Variants in NCBP2 observed in about 807,000 individuals in gnomAD.
The protein encoded by NCBP2 is nuclear cap-binding protein subunit 2.
In NCBP2, 8 loss-of-function variants were observed where a neutral mutation model predicts 21.5. The observed-to-expected ratio is 0.37, with a 90% CI of 0.22 to 0.67. NCBP2 has a LOEUF of 0.67. Among genes scored for constraint, NCBP2 ranks in the 30% least tolerant of loss-of-function variants. The probability of loss-of-function intolerance (pLI) is 0.56; values close to 1 mark genes in which losing one functional copy is unlikely to be tolerated. For synonymous variants in NCBP2, 92 were observed against 75.8 expected, an observed-to-expected ratio of 1.21 and a Z score of -1.11; for missense variants, 127 against 206.9, an observed-to-expected ratio of 0.61 and a Z score of 2.37.
chr3:196,937,295 C>G (rs1432502849), intron 3 of NCBP2: 2 of 797,126 alleles, frequency 2.5e-6, no homozygotes, highest in Admixed American at 2.7e-5. Context: ...AGCAGAAGTT[C>G]AAGAATGGTT....
rs982261865 is a variant in NCBP2 at position 196,936,919 on chromosome 3, T to C, written c.*92A>G. ...AGTAAAGACACTGATCAAATCTTGG[T>C]AAAAATGGGCTCGTGTGCAGACTTT... On this transcript the variant is annotated 3_prime_UTR_variant, in exon 4 of 4. Coordinates refer to ENST00000321256, the MANE Select transcript of NCBP2 (RefSeq NM_007362.5). 8.4e-7 allele frequency: 1 copy of C among 1,190,296 alleles called. No individual in the cohort carries two copies. Among genetic ancestry groups the C allele is most frequent in the Non-Finnish European group, 1.3e-6 (1 of 795,118 alleles). The allele number at this position is 1,190,296 out of a possible 1,614,324, so 73.7% of individuals were successfully genotyped here. A position where few individuals can be genotyped will look rare whatever the true frequency, so the allele number is the denominator to read the frequency against.
chr3:196,937,672 AT>A, intron 2 of NCBP2, 24 bp from the exon 3 acceptor site: 2 of 1,610,330 alleles, frequency 1.2e-6, no homozygotes, highest in Non-Finnish European at 1.7e-6. Context: ...GAACACTAGC[AT>A]TTTTCCAAAC....
At chr3:196,938,688 A>G (rs1357166495) in intron 2 of NCBP2, 1 of 152,410 alleles carries the variant, frequency 6.6e-6, no homozygotes, top group African/African-American at 2.4e-5. Flanking sequence ...GCTGGAACAC[A>G]GTCACAACTC....
Position 196,939,522 on chromosome 3 carries a change from T to C in NCBP2, c.79-90A>G, listed in dbSNP as rs1466429809. 4.8e-6 allele frequency: 5 copies of C among 1,046,600 alleles called. No individual in the cohort carries two copies. The African/African-American group carries it at 8.1e-5, about 17-fold the overall frequency. The allele number at this position is 1,046,600 out of a possible 1,614,324, so 64.8% of individuals were successfully genotyped here. ...GTACGGTAGAGACATTCATTAATTC[T>C]GGTTTGGAAATCAACTTCTCTCATC... On this transcript the variant is annotated intron_variant, in intron 1 of 3. Coordinates refer to ENST00000321256, the MANE Select transcript of NCBP2 (RefSeq NM_007362.5).
At chr3:196,938,160 A>C (rs545034565) in intron 2 of NCBP2, 1 of 153,852 alleles carries the variant, frequency 6.5e-6, no homozygotes, top group South Asian at 2.0e-4. Context: ...AAATAAGACA[A>C]CAGTGTTCTG....
chr3:196,937,507 T>C lies in NCBP2; in HGVS notation c.399+3A>G. On this transcript the variant is annotated splice_donor_region_variant and intron_variant, in intron 3 of 3. Transcript: ENST00000321256. ...GCTGAGCCCAGAGACCCTTCTTGCA[T>C]ACCTGGCCCCCAGATCGCCCACGGC... 2 of 1,614,020 alleles carry C rather than the reference T, an allele frequency of 1.2e-6. No individual in the cohort carries two copies. Among genetic ancestry groups the C allele is most frequent in the Non-Finnish European group, 1.7e-6 (2 of 1,180,018 alleles).
At position 196,935,738 on chromosome 3, in the gene NCBP2, T is replaced by C. The variant is rs1716229965; in HGVS notation, c.*1273A>G. On this transcript the variant is annotated 3_prime_UTR_variant, in exon 4 of 4. Transcript: ENST00000321256. ...GTACTTTGTTGCTAAGTGAAAAAAA[T>C]GCACATTTTTTCATATCAGGGAAAA... 2 of 152,152 alleles carry C rather than the reference T, an allele frequency of 1.3e-5. No individual in the cohort carries two copies. The highest frequency in any genetic ancestry group is 1.3e-4 in the Admixed American group (2 of 15,276). 9.4% of individuals were successfully genotyped at this position (152,152 alleles called of 1,614,324 possible).
At chr3:196,938,401 G>A (rs1196312079) in intron 2 of NCBP2, 2 of 151,960 alleles carry the variant, frequency 1.3e-5, no homozygotes, top group South Asian at 2.1e-4. Context: ...ATAATTCAGG[G>A]CACAGGAAAA....
chr3:196,942,224 C>G (rs1170695779), intron 1 of NCBP2: 1 of 1,461,214 alleles, frequency 6.8e-7, no homozygotes, highest in Non-Finnish European at 9.0e-7. Context: ...GCCTCCAGTT[C>G]CCCGTCTTCC....
At chr3:196,942,122 G>A (rs768757717) in intron 1 of NCBP2, 33 of 1,469,168 alleles carry the variant, frequency 2.2e-5, no homozygotes, top group Non-Finnish European at 2.9e-5. Flanking sequence ...AGGCACAACC[G>A]TGGAAACGGG....
intron 2 of NCBP2, 60 bp from the exon 3 acceptor site, chr3:196,937,708 T>C (rs771754465): frequency 4.2e-5 from 67 of 1,591,490 alleles, no homozygotes; most frequent in Non-Finnish European, 5.5e-5. Flanking sequence ...GGGAACAACA[T>C]GTAAATGAAG....
chr3:196,941,816 G>T, intron 1 of NCBP2: 1 of 1,240,034 alleles, frequency 8.1e-7, no homozygotes, highest in Non-Finnish European at 1.1e-6. Context: ...CTGAAATCCA[G>T]CAATTCTCCG....
chr3:196,942,291 G>A, intron 1 of NCBP2, 135 bp downstream of exon 1: 1 of 1,513,888 alleles, frequency 6.6e-7, no homozygotes. Context: ...TCCCTGCCTC[G>A]CCAGCAGGCA....
intron 2 of NCBP2, chr3:196,938,553 CAAAGT>C (rs1716374252): frequency 6.6e-6 from 1 of 152,196 alleles, no homozygotes; most frequent in Non-Finnish European, 1.5e-5. Flanking sequence ...ATTAAATGAT[CAAAGT>C]AAATAGTTTT....
In NCBP2 at chr3:196,939,356, G is replaced by A. The variant is rs1367552866; in HGVS notation, c.155C>T (p.Thr52Ile). The A allele has an allele frequency of 6.2e-7, 1 of 1,612,932 alleles. No individual in the cohort carries two copies. Among genetic ancestry groups the A allele is most frequent in the Admixed American group, 1.7e-5 (1 of 60,008 alleles). The change falls in exon 2 of 4, where the codon ACT (threonine) becomes ATT (isoleucine). Residue 52 changes from threonine (T) to isoleucine (I), a missense_variant. Physicochemically the swap from Thr to Ile is moderately conservative, Grantham distance 89. Transcript: ENST00000321256. ...GAAGAGTTCATAGATTTGTTCTTCA[G>A]TTGTGTAAAAAGAAAGATTTCCAAC... is the stretch of plus-strand genomic sequence containing the variant. ...LYVGNLSFYT[T>I]EEQIYELFSK...
At position 196,936,389 on chromosome 3, in the gene NCBP2, C is replaced by A. The variant is rs1716263113; in HGVS notation, c.*622G>T. On this transcript the variant is annotated 3_prime_UTR_variant, in exon 4 of 4. Coordinates refer to ENST00000321256, the MANE Select transcript of NCBP2 (RefSeq NM_007362.5). ...GAAAACAAATTCAATTGTCAAACAC[C>A]TGTTCCTAATTTTGTGCAAAGCAAT... is the stretch of plus-strand genomic sequence containing the variant. 2 of 152,718 alleles carry A rather than the reference C, an allele frequency of 1.3e-5. No homozygotes were observed. Among genetic ancestry groups the A allele is most frequent in the South Asian group, 2.1e-4 (1 of 4,862 alleles). The allele number at this position is 152,718 out of a possible 1,614,324, so 9.5% of individuals were successfully genotyped here.
In NCBP2 at chr3:196,937,422, CAA is replaced by C. The variant is rs1716315106; in HGVS notation, c.399+86_399+87del. ...AAGGTTATAGACACAAAGTTATTTA[CAA>C]AAGAGTAAATACAAATTGCCAAAAC... On this transcript the variant is annotated intron_variant, in intron 3 of 3. Transcript: ENST00000321256. The C allele has an allele frequency of 2.6e-6, 4 of 1,563,510 alleles. No individual in the cohort carries two copies. In the African/African-American group the frequency reaches 5.5e-5, roughly 21 times the overall value.
intron 1 of NCBP2, 108 bp downstream of exon 1, chr3:196,942,318 C>T: frequency 6.5e-7 from 1 of 1,534,482 alleles, no homozygotes; most frequent in Admixed American, 2.0e-5. Context: ...CCCCACTTGG[C>T]GTTTGCGGAT....
At chr3:196,938,828 TG>T (rs1215993675) in intron 2 of NCBP2, 1 of 153,904 alleles carries the variant, frequency 6.5e-6, no homozygotes, top group East Asian at 1.9e-4. Context: ...TATGCTGAAA[TG>T]GAACAATAAA....
Sources: allele counts gnomAD v4.1 joint callset, GRCh38; gene constraint gnomAD v4.1.1; transcripts MANE v1.5; gene names NCBI Gene and HGNC (gene_info 2026-07-23, HGNC 2026-07-21).